DGKB: variants seen among roughly 807,000 people sequenced by gnomAD.
DGKB encodes diacylglycerol kinase beta, also known as 90 kDa diacylglycerol kinase.
DGKB carries 67 observed loss-of-function variants against 114.3 expected under a neutral mutation model. The ratio of observed to expected loss-of-function variants is 0.59; its 90% CI spans 0.48 to 0.72. DGKB has a LOEUF of 0.72. Ranked by LOEUF, DGKB falls within the 30% of genes least tolerant of loss-of-function variation. The pLI is 0.00. For synonymous variants in DGKB, 398 were observed against 323.1 expected, an observed-to-expected ratio of 1.23 and a Z score of -2.49; for missense variants, 907 against 975.2, an observed-to-expected ratio of 0.93 and a Z score of 0.93.
At chr7:14,577,427 C>T (rs1313522611) in intron 19 of DGKB, among the ~76,000 whole-genome samples, 1 of 152,268 alleles carries the variant, frequency 6.6e-6, no homozygotes, top group African/African-American at 2.4e-5. Context: ...ACCATTCTGG[C>T]TAACACGGTG....
chr7:14,697,089 A>AT (rs1000514991), intron 8 of DGKB, among the ~76,000 whole-genome samples: 20 of 152,276 alleles, frequency 1.3e-4, no homozygotes, highest in African/African-American at 4.8e-4. Flanking sequence ...TCCCCAAAAT[A>AT]TTTTTTGTGG....
intron 16 of DGKB, 21 bp from the exon 17 acceptor site, chr7:14,607,529 G>T: frequency 8.3e-7 from 1 of 1,209,708 alleles, no homozygotes; most frequent in Non-Finnish European, 1.2e-6. Context: ...GAAAATGTGG[G>T]GAAAAAATTT....
At chr7:14,695,556 G>A (rs998039674) in intron 8 of DGKB, among the ~76,000 whole-genome samples, 1 of 134,118 alleles carries the variant, frequency 7.5e-6, no homozygotes, top group African/African-American at 2.9e-5. Context: ...CTGGAGTGCT[G>A]TGGCGCAATC....
At chr7:14,619,197 T>A (rs1461542300) in intron 15 of DGKB, among the ~76,000 whole-genome samples, 1 of 148,592 alleles carries the variant, frequency 6.7e-6, no homozygotes, top group East Asian at 2.1e-4. Context: ...TAACTGGTGT[T>A]TTTTTAGGGC....
At chr7:14,239,770 A>G (rs1180902241) in intron 23 of DGKB, among the ~76,000 whole-genome samples, 3 of 151,994 alleles carry the variant, frequency 2.0e-5, no homozygotes, top group Non-Finnish European at 4.4e-5. Context: ...TGGTAAAATA[A>G]GGTTTGGGGA....
At chr7:14,285,448 C>G (rs1348829426) in intron 23 of DGKB, among the ~76,000 whole-genome samples, 1 of 152,166 alleles carries the variant, frequency 6.6e-6, no homozygotes, top group Non-Finnish European at 1.5e-5. Context: ...GTTCATCTTT[C>G]TCAAGGCATT....
intron 16 of DGKB, among the ~76,000 whole-genome samples, chr7:14,610,851 G>C (rs1805420403): frequency 6.6e-6 from 1 of 152,022 alleles, no homozygotes; most frequent in Non-Finnish European, 1.5e-5. Flanking sequence ...TCTTTCACCA[G>C]CTTTATAAAT....
intron 23 of DGKB, among the ~76,000 whole-genome samples, chr7:14,192,823 T>C (rs1008985153): frequency 6.6e-6 from 1 of 152,096 alleles, no homozygotes; most frequent in African/African-American, 2.4e-5. Context: ...GTTGAGTCAG[T>C]GGGACCCCTA....
intron 17 of DGKB, among the ~76,000 whole-genome samples, chr7:14,602,180 T>G (rs1803668399): frequency 6.6e-6 from 1 of 152,160 alleles, no homozygotes; most frequent in East Asian, 1.9e-4. Flanking sequence ...AACAGAAATG[T>G]TTTGATATCA....
At chr7:14,886,471 A>ACT (rs1855069430) in intron 1 of DGKB, among the ~76,000 whole-genome samples, 1 of 151,472 alleles carries the variant, frequency 6.6e-6, no homozygotes, top group Non-Finnish European at 1.5e-5. Context: ...TCCTGCTCGA[A>ACT]CTCTCTCTCT....
At chr7:14,835,474 C>A (rs560439157) in intron 2 of DGKB, among the ~76,000 whole-genome samples, 9 of 152,318 alleles carry the variant, frequency 5.9e-5, no homozygotes, top group African/African-American at 1.9e-4. Context: ...TGTTCTCAGA[C>A]ACTGCGAAAT....
chr7:14,593,571 C>T (rs886594375), intron 17 of DGKB, among the ~76,000 whole-genome samples: 3 of 151,746 alleles, frequency 2.0e-5, no homozygotes, highest in Non-Finnish European at 4.4e-5. Flanking sequence ...AAGTAAAACA[C>T]TTTTGTAAAT....
At chr7:14,252,631 C>T (rs1366812056) in intron 23 of DGKB, among the ~76,000 whole-genome samples, 1 of 152,176 alleles carries the variant, frequency 6.6e-6, no homozygotes, top group Non-Finnish European at 1.5e-5. Flanking sequence ...TCCACAGAAA[C>T]AGGCCTTGTC....
upstream of DGKB, among the ~76,000 whole-genome samples, chr7:14,903,641 C>T (rs187163552): frequency 9.5e-4 from 145 of 152,240 alleles, 1 homozygote; most frequent in African/African-American, 3.1e-3. Flanking sequence ...GCTTGGTAAC[C>T]TCGGAGCAGG....
chr7:14,742,325 A>C (rs1832697467), intron 4 of DGKB, among the ~76,000 whole-genome samples: 1 of 152,232 alleles, frequency 6.6e-6, no homozygotes, highest in Admixed American at 6.5e-5. Context: ...ATGTAGTTAT[A>C]TATGTGATTT....
Position 14,332,889 on chromosome 7 carries a change from T to G in DGKB, c.2122+5626A>C, listed in dbSNP as rs533720265. Among the ~76,000 whole-genome samples the G allele has an allele frequency of 4.0e-3, 604 of 152,278 alleles. 1 individual carries two copies. Among genetic ancestry groups the G allele is most frequent in the African/African-American group, 0.013 (520 of 41,574 alleles). ...AATAAACTTTTGCATGATGGGTACC[T>G]GGACAGTTGTATCCATATGCAGGGT... On this transcript the variant is annotated intron_variant, in intron 23 of 25. Coordinates refer to ENST00000402815, the MANE Select transcript of DGKB (RefSeq NM_001350709.2).
intron 23 of DGKB, among the ~76,000 whole-genome samples, chr7:14,277,978 G>T (rs1799281898): frequency 6.6e-6 from 1 of 152,146 alleles, no homozygotes; most frequent in Non-Finnish European, 1.5e-5. Flanking sequence ...CAGACATGAG[G>T]TATCTCACAG....
chr7:14,612,819 A>G (rs1270578010), intron 16 of DGKB, among the ~76,000 whole-genome samples: 1 of 152,194 alleles, frequency 6.6e-6, no homozygotes, highest in Non-Finnish European at 1.5e-5. Flanking sequence ...ATTACAAAAT[A>G]AAATGTTATC....
chr7:14,855,126 A>C (rs1849938063), intron 1 of DGKB, among the ~76,000 whole-genome samples: 1 of 152,210 alleles, frequency 6.6e-6, no homozygotes, highest in African/African-American at 2.4e-5. Flanking sequence ...ATGAGGTTGT[A>C]ATATTTTAAA....
Sources: allele counts gnomAD v4.1 joint callset (sites outside exome capture counted in the v4.1 genomes callset), GRCh38; gene constraint gnomAD v4.1.1; transcripts MANE v1.5; gene names NCBI Gene and HGNC (gene_info 2026-07-23, HGNC 2026-07-21).